Variants in TMEM44 observed in about 807,000 individuals in gnomAD.
TMEM44 encodes the protein transmembrane protein 44.
A neutral mutation model predicts 47.8 loss-of-function variants in TMEM44; 43 were observed. That is an observed-to-expected ratio of 0.90 (90% confidence interval 0.70 to 1.16). The LOEUF is 1.16. TMEM44 is among the 50% of genes most tolerant of loss of function. TMEM44 has a pLI of 0.00. For synonymous variants in TMEM44, 277 were observed against 238.8 expected (o/e 1.16, Z -1.48); for missense variants, 568 against 555.2 (o/e 1.02, Z -0.23).
intron 7 of TMEM44, among the ~76,000 whole-genome samples, chr3:194,612,821 C>A (rs573982319): frequency 6.6e-6 from 1 of 152,048 alleles, no homozygotes; most frequent in Non-Finnish European, 1.5e-5. Context: ...CCCGCCACCG[C>A]GCCCAGCTAA....
At chr3:194,625,592 T>C (rs1717074832) in intron 3 of TMEM44, among the ~76,000 whole-genome samples, 1 of 152,216 alleles carries the variant, frequency 6.6e-6, no homozygotes, top group Non-Finnish European at 1.5e-5. Flanking sequence ...GCGATTCTCC[T>C]GCCTCAGCTT....
rs1296261830 is a variant in TMEM44 at position 194,625,931 on chromosome 3, GA to G, written c.323del (p.Phe108SerfsTer36). 6.2e-7 allele frequency: 1 copy of G among 1,613,770 alleles called. No individual in the cohort carries two copies. The highest frequency in any genetic ancestry group is 1.7e-5 in the Admixed American group (1 of 59,992). ...ACTTGAATTTGGATCCACAGACTGG[GA>G]AGAGAATGAACATAAAGTTCACTAA... ...IDLVNFMFIL[F>X]PVCGSKFKSN... On this transcript the variant is annotated frameshift_variant, in exon 3 of 10. Transcript: ENST00000347147. LOFTEE classifies it high-confidence loss of function.
rs138089235 is a variant in TMEM44 at position 194,604,413 on chromosome 3, G to A, written c.1050C>T (p.Asp350=). 1.1e-4 allele frequency: 171 copies of A among 1,529,956 alleles called. No individual in the cohort carries two copies. In the African/African-American group the frequency reaches 1.7e-3, roughly 15 times the overall value. 94.8% of individuals were successfully genotyped at this position (1,529,956 alleles called of 1,614,324 possible). Residue 350 remains aspartate, a synonymous_variant, in exon 9 of 10, where the codon GAC becomes GAT. Coordinates refer to ENST00000347147, the MANE Select transcript of TMEM44 (RefSeq NM_001011655.3). ...ACGCATCTCCGGCGCTCGTCTGCCC[G>A]TCACCTGGCAGCCTGGTGGCACTGC... ...AGCSATRLPG[D]GQTSAGDASL... is the part of the protein sequence containing the mutation.
chr3:194,632,177 G>T (rs1448214562), intron 1 of TMEM44, among the ~76,000 whole-genome samples: 1 of 152,182 alleles, frequency 6.6e-6, no homozygotes, highest in Admixed American at 6.5e-5. Flanking sequence ...GTGAGTGGCA[G>T]GCATTGAATG....
intron 9 of TMEM44, among the ~76,000 whole-genome samples, chr3:194,603,740 C>T (rs1253040710): frequency 3.9e-5 from 6 of 152,304 alleles, no homozygotes; most frequent in African/African-American, 1.4e-4. Context: ...TCATTCATCA[C>T]TCAAGTGATC....
intron 9 of TMEM44, among the ~76,000 whole-genome samples, chr3:194,595,920 C>T (rs1022966523): frequency 9.9e-5 from 15 of 152,114 alleles, no homozygotes; most frequent in South Asian, 6.2e-4. Context: ...CCACCGCACC[C>T]GGCTGATGGT....
intron 1 of TMEM44, among the ~76,000 whole-genome samples, chr3:194,631,021 G>C (rs911755449): frequency 6.7e-6 from 1 of 150,186 alleles, no homozygotes; most frequent in Non-Finnish European, 1.5e-5. Flanking sequence ...TCCCGAAGGG[G>C]CTGGCTGTTT....
At position 194,592,660 on chromosome 3, in the gene TMEM44, G is replaced by A. The variant is rs557728427; in HGVS notation, c.1177-4021C>T. On this transcript the variant is annotated intron_variant, in intron 9 of 9. Coordinates refer to ENST00000347147, the MANE Select transcript of TMEM44 (RefSeq NM_001011655.3). Reference sequence around the variant, plus strand: ...GATGGAGTTTCACTCTTGTTGCCCAGGCTGGAGTGCAATGGTGCAATCTCG... The same window carrying A: ...GATGGAGTTTCACTCTTGTTGCCCAAGCTGGAGTGCAATGGTGCAATCTCG... Among the ~76,000 whole-genome samples the A allele has an allele frequency of 7.2e-5, 11 of 151,874 alleles. No homozygotes were observed. In the East Asian group the frequency reaches 1.9e-3, roughly 27 times the overall value.
At chr3:194,617,633 C>T (rs1220544932) in intron 5 of TMEM44, 3 of 703,620 alleles carry the variant, frequency 4.3e-6, no homozygotes, top group Non-Finnish European at 5.2e-6. Flanking sequence ...CAGGGGTCCT[C>T]ACCATCTCAG....
chr3:194,623,256 A>C lies in TMEM44; in HGVS notation c.580T>G (p.Trp194Gly), dbSNP rs773964729. ...LLGSVAAFGSWASRIPPLSRI... is the reference protein window; with the variant it reads ...LLGSVAAFGSGASRIPPLSRI... ...GAGAGAGGGGGGATCCGAGAAGCCC[A>C]GGAGCCAAAGGCAGCAACGCTACCC... The change falls in exon 5 of 10, where the codon TGG becomes GGG. Residue 194 changes from tryptophan to glycine, a missense_variant. By Grantham distance (184) the Trp-to-Gly change is radical. Coordinates refer to ENST00000347147, the MANE Select transcript of TMEM44 (RefSeq NM_001011655.3). The C allele has an allele frequency of 6.2e-7, 1 of 1,611,596 alleles. No individual in the cohort carries two copies. The highest frequency in any genetic ancestry group is 8.5e-7 in the Non-Finnish European group (1 of 1,179,068).
intron 1 of TMEM44, among the ~76,000 whole-genome samples, chr3:194,629,677 C>T (rs984368124): frequency 2.0e-5 from 3 of 149,256 alleles, no homozygotes; most frequent in African/African-American, 5.0e-5. Flanking sequence ...CTGTTTCCAT[C>T]GGCGTCACTG....
chr3:194,617,234 C>T lies in TMEM44; in HGVS notation c.648G>A (p.Trp216Ter). The T allele has an allele frequency of 6.5e-7, 1 of 1,549,932 alleles. No individual in the cohort carries two copies. Among genetic ancestry groups the T allele is most frequent in the Non-Finnish European group, 8.7e-7 (1 of 1,146,418 alleles). Residue 216 changes from tryptophan (W) to a stop codon, truncating the protein, a stop_gained, in exon 6 of 10, where the codon TGG becomes TGA. Coordinates refer to ENST00000347147, the MANE Select transcript of TMEM44 (RefSeq NM_001011655.3). LOFTEE classifies it high-confidence loss of function. ...CAGCCAGGGCCGACAGGAGCCGGGT[C>T]CACAGGTGGATGGAGGGAAATGTCT... Reference protein sequence around the residue: ...RGKTFPSIHLWTRLLSALAGL... With the variant: ...RGKTFPSIHL
At chr3:194,624,370 A>G (rs1313353415) in intron 3 of TMEM44, among the ~76,000 whole-genome samples, 3 of 152,042 alleles carry the variant, frequency 2.0e-5, no homozygotes, top group Non-Finnish European at 4.4e-5. Flanking sequence ...TCTGGGCAGC[A>G]TTGAGCCGCT....
At chr3:194,604,174 A>T in intron 9 of TMEM44, 113 bp downstream of exon 9, 1 of 1,312,526 alleles carries the variant, frequency 7.6e-7, no homozygotes, top group Non-Finnish European at 1.0e-6. Flanking sequence ...TTTAGCAGGT[A>T]TGAGGTTAAC....
intron 9 of TMEM44, among the ~76,000 whole-genome samples, chr3:194,603,475 G>A (rs1054227723): frequency 7.3e-5 from 11 of 151,156 alleles, no homozygotes; most frequent in African/African-American, 2.7e-4. Context: ...TTGGCTCACT[G>A]TAATTTCCAC....
intron 5 of TMEM44, chr3:194,617,877 T>A (rs924945600): frequency 4.8e-6 from 3 of 620,490 alleles, no homozygotes; most frequent in Admixed American, 5.0e-5. Flanking sequence ...TCTCCTGAGA[T>A]CTGGCTGTTC....
chr3:194,617,076 C>T, intron 6 of TMEM44, 23 bp downstream of exon 6: 1 of 1,462,688 alleles, frequency 6.8e-7, no homozygotes, highest in South Asian at 1.4e-5. Flanking sequence ...AAGCAGGGAG[C>T]TCCCCAGGCC....
At position 194,615,701 on chromosome 3, in the gene TMEM44, A is replaced by C. The variant is rs761210129; in HGVS notation, c.784-4T>G. Reference sequence around the variant, plus strand: ...TCACACACGAAAGGAAAATAATCTGAGATGGTGTAAGTTAAGGTAGGAAGC... The same window carrying C: ...TCACACACGAAAGGAAAATAATCTGCGATGGTGTAAGTTAAGGTAGGAAGC... On this transcript the variant is annotated splice_polypyrimidine_tract_variant and splice_region_variant and intron_variant, in intron 6 of 9. Coordinates refer to ENST00000347147, the MANE Select transcript of TMEM44 (RefSeq NM_001011655.3). 6.2e-7 allele frequency: 1 copy of C among 1,613,580 alleles called. No homozygotes were observed. The highest frequency in any genetic ancestry group is 1.7e-5 in the Admixed American group (1 of 59,990).
chr3:194,626,895 T>C (rs1485467337), intron 2 of TMEM44, among the ~76,000 whole-genome samples: 1 of 147,670 alleles, frequency 6.8e-6, no homozygotes, highest in Non-Finnish European at 1.5e-5. Context: ...TTTTAATAAA[T>C]ATTATTATTG....
Sources: gnomAD v4.1 joint callset for allele counts (sites outside exome capture counted in the v4.1 genomes callset) on GRCh38, gnomAD v4.1.1 for gene constraint, MANE v1.5 for transcripts, NCBI Gene and HGNC (gene_info 2026-07-23, HGNC 2026-07-21) for gene names.